The following HNRNPK variants were observed in gnomAD, a reference collection of about 807,000 sequenced individuals.
HNRNPK encodes the protein dC-stretch binding protein.
In HNRNPK, 7 loss-of-function variants were observed where a neutral mutation model predicts 67.0. That is an observed-to-expected ratio of 0.10 (90% CI 0.06 to 0.20). The LOEUF is 0.20. HNRNPK is among the 10% of genes least tolerant of loss of function. The pLI, the probability that HNRNPK is intolerant of heterozygous loss-of-function variation, is 1.00. For missense variants in HNRNPK, 264 were observed against 606.5 expected, an observed-to-expected ratio of 0.44 and a Z score of 5.93; for synonymous variants, 213 against 193.7, an observed-to-expected ratio of 1.10 and a Z score of -0.83.
At position 83,969,242 on chromosome 9, in the gene HNRNPK, C is replaced by G. The variant is rs11548841; in HGVS notation, c.*165G>C. 2 of 700,672 alleles carry G rather than the reference C, an allele frequency of 2.9e-6. No homozygotes were observed. The highest frequency in any genetic ancestry group is 3.6e-5 in the African/African-American group (2 of 55,724). The allele number at this position is 700,672 out of a possible 1,614,324, so 43.4% of individuals were successfully genotyped here. A position where few individuals can be genotyped will look rare whatever the true frequency, so the allele number is the denominator to read the frequency against. On this transcript the variant is annotated 3_prime_UTR_variant, in exon 17 of 17. Transcript: ENST00000376263. Reference sequence around the variant, plus strand: ...TACATCTGGTGAACAGCAAAGATTTCACTACACCTCAAATGCAGAACACCT... The same window carrying G: ...TACATCTGGTGAACAGCAAAGATTTGACTACACCTCAAATGCAGAACACCT...
chr9:83,974,496 T>C (rs1211394890), intron 7 of HNRNPK, 21 bp downstream of exon 7: 2 of 1,272,608 alleles, frequency 1.6e-6, no homozygotes, highest in Non-Finnish European at 2.3e-6. Context: ...GTCAAATACA[T>C]TTAAAAAAAA....
At chr9:83,971,859 C>A in intron 11 of HNRNPK, 23 bp downstream of exon 11, 1 of 1,556,028 alleles carries the variant, frequency 6.4e-7, no homozygotes. Context: ...GAAAAAACAA[C>A]AACAACAAAA....
chr9:83,971,592 TA>T, intron 12 of HNRNPK, 79 bp downstream of exon 12: 1 of 1,211,420 alleles, frequency 8.3e-7, no homozygotes, highest in Non-Finnish European at 1.2e-6. Flanking sequence ...TTTTAATCAC[TA>T]TAACCTTCAA....
intron 12 of HNRNPK, 92 bp from the exon 13 acceptor site, chr9:83,971,448 A>G (rs1406904993): frequency 1.1e-6 from 1 of 939,936 alleles, no homozygotes. Flanking sequence ...ACATTAAAAC[A>G]AAAGAGGGTA....
intron 16 of HNRNPK, 118 bp from the exon 17 acceptor site, chr9:83,969,558 G>A (rs1195275791): frequency 5.6e-6 from 4 of 718,458 alleles, no homozygotes; most frequent in African/African-American, 5.3e-5. Context: ...ACAATTAGAA[G>A]AGTTCAAAAA....
chr9:83,970,410 TATTA>T, intron 15 of HNRNPK, 79 bp from the exon 16 acceptor site: 2 of 1,099,666 alleles, frequency 1.8e-6, no homozygotes, highest in Non-Finnish European at 1.3e-6. Flanking sequence ...AGCATGAAGT[TATTA>T]ATTTTATTCA....
rs1467944989 is a variant in HNRNPK, at chr9:83,971,597, C to A, written c.1008+75G>T. On this transcript the variant is annotated intron_variant, in intron 12 of 16. Coordinates refer to ENST00000376263, the MANE Select transcript of HNRNPK (RefSeq NM_031263.4). ...AAGAAAAACTTTTTAATCACTATAA[C>A]CTTCAACAAAACGTGAACTACATTG... 3.2e-6 allele frequency: 4 copies of A among 1,247,460 alleles called. No homozygotes were observed. In the African/African-American group the frequency reaches 4.5e-5, roughly 14 times the overall value. The allele number at this position is 1,247,460 out of a possible 1,614,324, so 77.3% of individuals were successfully genotyped here.
intron 10 of HNRNPK, 140 bp from the exon 11 acceptor site, chr9:83,972,329 C>G: frequency 1.5e-6 from 1 of 647,288 alleles, no homozygotes; most frequent in Non-Finnish European, 2.6e-6. Flanking sequence ...GGAATTATGT[C>G]AACGCTAAAA....
rs1022702128 is a variant in HNRNPK at position 83,979,475 on chromosome 9, G to A, written c.-108+678C>T. ...ACTAGTCCCCAGGCCTCAAAAATCC[G>A]CTAAGTATGTGCTCCACTGGCCGAG... is the stretch of plus-strand genomic sequence containing the variant. On this transcript the variant is annotated intron_variant, in intron 1 of 16. Coordinates refer to ENST00000376263, the MANE Select transcript of HNRNPK (RefSeq NM_031263.4). 5.3e-5 allele frequency among the ~76,000 whole-genome samples: 8 copies of A among 152,178 alleles called. No homozygotes were observed. In the East Asian group the frequency reaches 1.2e-3, roughly 22 times the overall value.
chr9:83,971,797 G>GTC, intron 11 of HNRNPK, 71 bp from the exon 12 acceptor site: 1 of 1,591,062 alleles, frequency 6.3e-7, no homozygotes, highest in East Asian at 2.2e-5. Context: ...AGTCTACCTT[G>GTC]TCTACCACTA....
rs557422461 is a variant in HNRNPK at position 83,973,471 on chromosome 9, C to T, written c.403-72G>A. 8.8e-5 allele frequency: 76 copies of T among 861,424 alleles called. No homozygotes were observed. The African/African-American group carries it at 1.2e-3, about 13-fold the overall frequency. The allele number at this position is 861,424 out of a possible 1,614,324, so 53.4% of individuals were successfully genotyped here. A position where few individuals can be genotyped will look rare whatever the true frequency, so the allele number is the denominator to read the frequency against. On this transcript the variant is annotated intron_variant, in intron 8 of 16. Transcript: ENST00000376263. ...CCAATACACACTTATCTGCTATAAG[C>T]ATAACAATAATATACTGTTGCAGTG...
chr9:83,975,457 C>T lies in HNRNPK; in HGVS notation c.257+5G>A. 6.2e-7 allele frequency: 1 copy of T among 1,613,672 alleles called. No individual in the cohort carries two copies. Among genetic ancestry groups the T allele is most frequent in the Non-Finnish European group, 8.5e-7 (1 of 1,179,536 alleles). Reference sequence around the variant, plus strand: ...GGCAGTGAGGCATAAACTGTTGGGACATACCGCTCGGGGCCACTGCTGTCT... The same window carrying T: ...GGCAGTGAGGCATAAACTGTTGGGATATACCGCTCGGGGCCACTGCTGTCT... On this transcript the variant is annotated splice_donor_5th_base_variant and intron_variant, in intron 6 of 16. Coordinates refer to ENST00000376263, the MANE Select transcript of HNRNPK (RefSeq NM_031263.4).
At chr9:83,975,296 C>T (rs1004112795) in intron 6 of HNRNPK, 166 bp downstream of exon 6, 13 of 643,598 alleles carry the variant, frequency 2.0e-5, no homozygotes, top group African/African-American at 3.6e-5. Context: ...GGGCAACTCA[C>T]GGTAAAAGTT....
At chr9:83,971,487 G>A (rs1488100811) in intron 12 of HNRNPK, 131 bp from the exon 13 acceptor site, 1 of 801,486 alleles carries the variant, frequency 1.2e-6, no homozygotes, top group African/African-American at 1.7e-5. Flanking sequence ...TTGTAATCGA[G>A]GGGAACAAAG....
chr9:83,972,757 T>A, intron 10 of HNRNPK, 87 bp downstream of exon 10: 3 of 964,734 alleles, frequency 3.1e-6, no homozygotes, highest in Non-Finnish European at 3.0e-6. Context: ...TAAAGACTAT[T>A]AGACTAAATG....
At chr9:83,970,589 C>CCCA (rs1588411512) in intron 15 of HNRNPK, 148 bp downstream of exon 15, 1 of 680,368 alleles carries the variant, frequency 1.5e-6, no homozygotes, top group East Asian at 2.7e-5. Flanking sequence ...ACTCAAACAG[C>CCCA]TGAAAACCCA....
At chr9:83,973,027 T>C (rs1956922388) in intron 9 of HNRNPK, 55 bp from the exon 10 acceptor site, 6 of 1,331,992 alleles carry the variant, frequency 4.5e-6, no homozygotes, top group Admixed American at 4.8e-5. Context: ...TTAGCTTTCC[T>C]AGGTTCAGTG....
intron 5 of HNRNPK, among the ~76,000 whole-genome samples, chr9:83,976,000 A>T (rs1296131661): frequency 1.3e-5 from 2 of 152,198 alleles, no homozygotes; most frequent in Non-Finnish European, 2.9e-5. Flanking sequence ...GAAATGGGGA[A>T]ATTAATAACC....
At chr9:83,969,541 G>A (rs934718071) in intron 16 of HNRNPK, 101 bp from the exon 17 acceptor site, 22 of 766,930 alleles carry the variant, frequency 2.9e-5, no homozygotes, top group Non-Finnish European at 4.8e-5. Flanking sequence ...TGATAAACAC[G>A]TCCATTACAA....
Sources: gnomAD v4.1 joint callset for allele counts (sites outside exome capture counted in the v4.1 genomes callset) on GRCh38, gnomAD v4.1.1 for gene constraint, MANE v1.5 for transcripts, NCBI Gene and HGNC (gene_info 2026-07-23, HGNC 2026-07-21) for gene names.